MED13: variants seen among roughly 807,000 people sequenced by gnomAD.
MED13 encodes mediator of RNA polymerase II transcription subunit 13.
Under a neutral mutation model 225.2 loss-of-function variants are expected in MED13, and 23 were observed. The observed-to-expected ratio is 0.10, with a 90% CI of 0.07 to 0.14. The LOEUF (loss-of-function observed/expected upper bound fraction) is 0.14, where lower values mean the gene tolerates loss of function less well. MED13 is among the 10% of genes least tolerant of loss of function. MED13 has a pLI of 1.00. For synonymous variants in MED13, 942 were observed against 889.2 expected (o/e 1.06, Z -1.06); for missense variants, 2,197 against 2,594.5 (o/e 0.85, Z 3.33).
intron 9 of MED13, among the ~76,000 whole-genome samples, chr17:62,002,656 C>A (rs765267704): frequency 6.6e-6 from 1 of 152,130 alleles, no homozygotes; most frequent in Admixed American, 6.6e-5. Flanking sequence ...GCAATATTAA[C>A]AGCAGGTAAT....
intron 1 of MED13, 145 bp from the exon 2 acceptor site, chr17:62,063,446 A>G: frequency 1.8e-6 from 1 of 569,008 alleles, no homozygotes; most frequent in Non-Finnish European, 3.0e-6. Context: ...ACAAAAAAAG[A>G]CTTTATAATT....
intron 20 of MED13, among the ~76,000 whole-genome samples, chr17:61,963,323 A>C (rs1312061774): frequency 6.6e-6 from 1 of 151,562 alleles, no homozygotes; most frequent in Admixed American, 6.6e-5. Context: ...TGAGACAAAG[A>C]TAGGTCTCTT....
At position 61,946,325 on chromosome 17, in the gene MED13, A is replaced by T; in HGVS notation, c.*143T>A. 1 of 978,584 alleles carries T rather than the reference A, an allele frequency of 1.0e-6. No individual in the cohort carries two copies. The highest frequency in any genetic ancestry group is 1.5e-6 in the Non-Finnish European group (1 of 682,454). The allele number at this position is 978,584 out of a possible 1,614,324, so 60.6% of individuals were successfully genotyped here. ...TAGCAGGGTTATAGCCCCTCCCCCC[A>T]AGTCAAAACAATATTTGTTGAAGTA... On this transcript the variant is annotated 3_prime_UTR_variant, in exon 30 of 30. Coordinates refer to ENST00000397786, the MANE Select transcript of MED13 (RefSeq NM_005121.3).
At chr17:62,041,767 G>A (rs1435047301) in intron 3 of MED13, among the ~76,000 whole-genome samples, 1 of 152,096 alleles carries the variant, frequency 6.6e-6, no homozygotes, top group South Asian at 2.1e-4. Flanking sequence ...ATTTTTTGTA[G>A]AGATGAGGTC....
chr17:62,023,313 G>A (rs901013899), intron 8 of MED13, among the ~76,000 whole-genome samples: 1 of 152,076 alleles, frequency 6.6e-6, no homozygotes, highest in Non-Finnish European at 1.5e-5. Flanking sequence ...TAGAGAACCG[G>A]TTATACAAAA....
In MED13 at chr17:61,955,828, A is replaced by G; in HGVS notation, c.5634T>C (p.Cys1878=). The G allele has an allele frequency of 6.3e-7, 1 of 1,585,350 alleles. No homozygotes were observed. Among genetic ancestry groups the G allele is most frequent in the Non-Finnish European group, 8.5e-7 (1 of 1,170,386 alleles). Residue 1878 remains cysteine, a synonymous_variant, in exon 25 of 30, where the codon TGT becomes TGC. Transcript: ENST00000397786. ...IGHGELKDWS[C]LLSRRNLQSL... ...ACTGCAAGTTTCGACGACTCAGCAA[A>G]CAGCTCCAATCTGTGGGTATCAACA...
intron 2 of MED13, among the ~76,000 whole-genome samples, chr17:62,052,981 T>C (rs548701094): frequency 1.3e-5 from 2 of 152,284 alleles, no homozygotes; most frequent in Admixed American, 6.5e-5. Flanking sequence ...CTGAATTGGT[T>C]CCTGTATTAA....
rs749405532 is a variant in MED13 at position 62,035,611 on chromosome 17, A to G, written c.471-3T>C. 1 of 1,598,862 alleles carries G rather than the reference A, an allele frequency of 6.3e-7. No homozygotes were observed. Among genetic ancestry groups the G allele is most frequent in the Non-Finnish European group, 8.5e-7 (1 of 1,175,642 alleles). On this transcript the variant is annotated splice_polypyrimidine_tract_variant and splice_region_variant and intron_variant, in intron 3 of 29. Coordinates refer to ENST00000397786, the MANE Select transcript of MED13 (RefSeq NM_005121.3). ...TGAAGGAGCAGGACAAGTGTTCACT[A>G]AAAAAGAAGAAAAAGTTTTATCTTA... is the stretch of plus-strand genomic sequence containing the variant.
At chr17:62,029,472 TG>T in intron 8 of MED13, 68 bp downstream of exon 8, 1 of 1,143,132 alleles carries the variant, frequency 8.7e-7, no homozygotes, top group South Asian at 1.4e-5. Flanking sequence ...TCAAATAAAG[TG>T]GGCATAAGCA....
rs2079992807 is a variant in MED13 at position 61,960,894 on chromosome 17, C to G, written c.5453G>C (p.Cys1818Ser). 6.2e-7 allele frequency: 1 copy of G among 1,610,970 alleles called. No individual in the cohort carries two copies. Among genetic ancestry groups the G allele is most frequent in the Admixed American group, 1.7e-5 (1 of 59,954 alleles). Residue 1818 changes from cysteine to serine, a missense_variant, in exon 23 of 30, where the codon TGT (cysteine) becomes TCT (serine). Transcript: ENST00000397786. Reference protein sequence around the residue: ...TDLYGELLETCIINIDVPNRA... With the variant: ...TDLYGELLETSIINIDVPNRA... The stretch of plus-strand genomic sequence containing the variant: ...ATTTGGAACATCGATGTTAATGATA[C>G]AAGTTTCTAAAAGTTCTCCATATAG...
intron 7 of MED13, 60 bp from the exon 8 acceptor site, chr17:62,029,711 G>A (rs1005530366): frequency 6.5e-7 from 1 of 1,537,006 alleles, no homozygotes; most frequent in South Asian, 1.2e-5. Flanking sequence ...AAACCTCAAT[G>A]TAGCATTGAA....
At chr17:62,050,106 C>T (rs1401918787) in intron 3 of MED13, among the ~76,000 whole-genome samples, 1 of 151,994 alleles carries the variant, frequency 6.6e-6, no homozygotes, top group African/African-American at 2.4e-5. Flanking sequence ...TGCCTGTAAT[C>T]CCAGCACTTT....
chr17:61,952,849 C>T (rs376967661), intron 27 of MED13, 116 bp downstream of exon 27: 2 of 1,193,944 alleles, frequency 1.7e-6, no homozygotes, highest in East Asian at 4.8e-5. Context: ...ATTGGCCAGG[C>T]TGGTCTCAAA....
At chr17:62,035,046 G>C (rs1026716047) in intron 4 of MED13, among the ~76,000 whole-genome samples, 2 of 152,012 alleles carry the variant, frequency 1.3e-5, no homozygotes, top group Non-Finnish European at 1.5e-5. Flanking sequence ...GCTTGAATCC[G>C]GGAGGTGGAG....
chr17:62,018,011 A>C (rs935623552), intron 8 of MED13, among the ~76,000 whole-genome samples: 3 of 152,212 alleles, frequency 2.0e-5, no homozygotes, highest in Non-Finnish European at 4.4e-5. Flanking sequence ...TTTGTTTATT[A>C]GGTTATCAAA....
chr17:61,990,515 T>C (rs1366637704), intron 11 of MED13, among the ~76,000 whole-genome samples: 1 of 151,584 alleles, frequency 6.6e-6, no homozygotes, highest in East Asian at 1.9e-4. Flanking sequence ...TGACACAGAA[T>C]ATGAGTAAAA....
chr17:62,040,785 T>C (rs2080846255), intron 3 of MED13, among the ~76,000 whole-genome samples: 1 of 152,098 alleles, frequency 6.6e-6, no homozygotes, highest in Admixed American at 6.6e-5. Context: ...CATAACATGC[T>C]CAACACATCA....
At chr17:62,048,055 T>TAC (rs1568001053) in intron 3 of MED13, among the ~76,000 whole-genome samples, 3 of 133,724 alleles carry the variant, frequency 2.2e-5, no homozygotes, top group African/African-American at 5.8e-5. Context: ...TATATATATA[T>TAC]ATATATATGT....
chr17:61,972,787 C>T lies in MED13; in HGVS notation c.3907G>A (p.Gly1303Ser). The T allele has an allele frequency of 6.2e-7, 1 of 1,613,686 alleles. No homozygotes were observed. The highest frequency in any genetic ancestry group is 8.5e-7 in the Non-Finnish European group (1 of 1,179,866). The stretch of plus-strand genomic sequence containing the variant: ...TGCCAAGTGAGAGGACCCTGAACAC[C>T]CCAAGGTCTTACTGTTCTTTTTTTC... ...IQKKRTVRPW[G>S]VQGPLTWQQF... Residue 1303 changes from glycine (G) to serine (S), a missense_variant, in exon 17 of 30, where the codon GGT (glycine) becomes AGT (serine). Physicochemically the swap from Gly to Ser is moderately conservative, Grantham distance 56. Transcript: ENST00000397786.
Sources: allele counts gnomAD v4.1 joint callset (sites outside exome capture counted in the v4.1 genomes callset), GRCh38; gene constraint gnomAD v4.1.1; transcripts MANE v1.5; gene names NCBI Gene and HGNC (gene_info 2026-07-23, HGNC 2026-07-21).